The following PTCD1 variants were observed in gnomAD, a reference collection of about 807,000 sequenced individuals.
The protein encoded by PTCD1 is pentatricopeptide repeat domain 1, also known as pentatricopeptide repeat-containing protein 1, mitochondrial.
Under a neutral mutation model 53.4 loss-of-function variants are expected in PTCD1, and 50 were observed. That is an observed-to-expected ratio of 0.94 (90% CI 0.75 to 1.19). PTCD1 has a LOEUF of 1.19. Ranked by LOEUF, PTCD1 falls within the 50% of genes most tolerant of loss-of-function variation. PTCD1 has a pLI of 0.00. For missense variants in PTCD1, 918 were observed against 904.8 expected, an observed-to-expected ratio of 1.01 and a Z score of -0.19; for synonymous variants, 413 against 394.8, an observed-to-expected ratio of 1.05 and a Z score of -0.55.
At position 99,432,763 on chromosome 7, in the gene PTCD1, C is replaced by T. The variant is rs113944963; in HGVS notation, c.594+515G>A. ...GCCCACAGGTGTGGAGGGGCTGGCC[C>T]CCTTCAGAGGAGCAGATGCGGTGGC... On this transcript the variant is annotated intron_variant, in intron 3 of 7. Transcript: ENST00000292478. Among the ~76,000 whole-genome samples the T allele has an allele frequency of 6.1e-3, 932 of 152,322 alleles. 12 individuals carry two copies. The highest frequency in any genetic ancestry group is 0.02 in the African/African-American group (847 of 41,564).
At chr7:99,423,051 G>A (rs149164666) in intron 7 of PTCD1, among the ~76,000 whole-genome samples, 1 of 146,428 alleles carries the variant, frequency 6.8e-6, no homozygotes, top group African/African-American at 2.5e-5. Context: ...TCTTTCTTTC[G>A]CCTATTAAAC....
At chr7:99,421,685 G>A (rs1347397984) in intron 7 of PTCD1, among the ~76,000 whole-genome samples, 2 of 151,962 alleles carry the variant, frequency 1.3e-5, no homozygotes, top group African/African-American at 2.4e-5. Context: ...AACCTGGGCG[G>A]CAGAGGTTGC....
Position 99,435,101 on chromosome 7 carries a change from T to C in PTCD1, c.142A>G (p.Ser48Gly). ...CCGAGGGGCAGCTGAGAGGAGGAGC[T>C]GCTGAAGGGCGCCCACATTGGCCGC... ...LMRPMWAPFS[S>G]SSSQLPLGQE... Residue 48 changes from serine to glycine, a missense_variant, in exon 2 of 8, where the codon AGC becomes GGC. Ser to Gly is a moderately conservative substitution (Grantham distance 56, BLOSUM62 0). Transcript: ENST00000292478. 1 of 1,607,110 alleles carries C rather than the reference T, an allele frequency of 6.2e-7. No homozygotes were observed. Among genetic ancestry groups the C allele is most frequent in the Non-Finnish European group, 8.5e-7 (1 of 1,177,360 alleles).
At chr7:99,420,530 A>G (rs1273328841) in intron 7 of PTCD1, among the ~76,000 whole-genome samples, 4 of 152,192 alleles carry the variant, frequency 2.6e-5, no homozygotes, top group African/African-American at 7.2e-5. Flanking sequence ...CATTATCTCA[A>G]CACTGCCAAG....
rs14935 is a variant in PTCD1, at chr7:99,419,448, C to T, written c.*519G>A. ...TCGTGGCTGCTCTGGCTGAGGCTGG[C>T]GCGCTCCACCCTGGACTCTGGACTT... is the stretch of plus-strand genomic sequence containing the variant. On this transcript the variant is annotated 3_prime_UTR_variant, in exon 8 of 8. Transcript: ENST00000292478. 0.011 allele frequency: 18,111 copies of T among 1,607,972 alleles called. 966 individuals are homozygous for T. The African/African-American group carries it at 0.15, about 14-fold the overall frequency.
intron 1 of PTCD1, among the ~76,000 whole-genome samples, chr7:99,438,043 C>G (rs953053066): frequency 6.6e-6 from 1 of 152,144 alleles, no homozygotes; most frequent in African/African-American, 2.4e-5. Flanking sequence ...CTCCAGCAAT[C>G]AGGAAAGGAA....
intron 3 of PTCD1, chr7:99,432,814 C>T (rs1347047461): frequency 4.3e-6 from 1 of 233,464 alleles, no homozygotes; most frequent in Admixed American, 5.1e-5. Context: ...AATCCCAGCA[C>T]TTTGGGAGGC....
At chr7:99,423,586 G>A (rs771782984) in intron 7 of PTCD1, among the ~76,000 whole-genome samples, 189 bp downstream of exon 7, 1 of 152,180 alleles carries the variant, frequency 6.6e-6, no homozygotes, top group Non-Finnish European at 1.5e-5. Flanking sequence ...GCTGAGACAT[G>A]AGATGAGCCA....
chr7:99,417,600 TG>T lies in PTCD1; in HGVS notation c.*2366del. On this transcript the variant is annotated 3_prime_UTR_variant, in exon 8 of 8. Coordinates refer to ENST00000292478, the MANE Select transcript of PTCD1 (RefSeq NM_015545.4). ...CCCAAAAGCAAGCTGGAAGTGGTAA[TG>T]TCTGACACTCAAGCTTGGTGTTGTT... The T allele has an allele frequency of 6.2e-7, 1 of 1,610,772 alleles. No homozygotes were observed. The highest frequency in any genetic ancestry group is 8.5e-7 in the Non-Finnish European group (1 of 1,179,978).
chr7:99,419,281 T>G lies in PTCD1; in HGVS notation c.*686A>C. ...GTCAAGGAAGGGTTTCTGAGGTGTG[T>G]CCCTATATGGCATGGTGGCAGGTCC... On this transcript the variant is annotated 3_prime_UTR_variant, in exon 8 of 8. Coordinates refer to ENST00000292478, the MANE Select transcript of PTCD1 (RefSeq NM_015545.4). The G allele has an allele frequency of 7.5e-7, 1 of 1,339,310 alleles. No individual in the cohort carries two copies. Among genetic ancestry groups the G allele is most frequent in the Non-Finnish European group, 1.1e-6 (1 of 944,946 alleles). 83.0% of individuals were successfully genotyped at this position (1,339,310 alleles called of 1,614,324 possible). A position where few individuals can be genotyped will look rare whatever the true frequency, so the allele number is the denominator to read the frequency against.
intron 5 of PTCD1, among the ~76,000 whole-genome samples, chr7:99,426,424 G>A (rs180842507): frequency 1.3e-5 from 2 of 152,172 alleles, no homozygotes; most frequent in Admixed American, 6.5e-5. Context: ...GCTCCTAACC[G>A]CGAGTGATCC....
At chr7:99,431,668 G>A (rs1796255966) in intron 3 of PTCD1, among the ~76,000 whole-genome samples, 1 of 152,126 alleles carries the variant, frequency 6.6e-6, no homozygotes, top group African/African-American at 2.4e-5. Flanking sequence ...TCGAGCCCAG[G>A]AGGCGGAGGT....
In PTCD1 at chr7:99,419,172, A is replaced by G; in HGVS notation, c.*795T>C. On this transcript the variant is annotated 3_prime_UTR_variant, in exon 8 of 8. Coordinates refer to ENST00000292478, the MANE Select transcript of PTCD1 (RefSeq NM_015545.4). ...GTGTTGGATTTGCAGAACATATTAT[A>G]AATAGACATACAGATGTAACCTCGG... The G allele has an allele frequency of 3.4e-6, 2 of 583,152 alleles. No individual in the cohort carries two copies. Among genetic ancestry groups the G allele is most frequent in the Non-Finnish European group, 6.1e-6 (2 of 325,908 alleles). 36.1% of individuals were successfully genotyped at this position (583,152 alleles called of 1,614,324 possible).
chr7:99,429,333 C>G (rs978976618), intron 4 of PTCD1, 129 bp from the exon 5 acceptor site: 1 of 1,271,654 alleles, frequency 7.9e-7, no homozygotes. Flanking sequence ...GTTTTGTGAC[C>G]AGCCTGGGCA....
Position 99,419,803 on chromosome 7 carries a change from A to G in PTCD1, c.*164T>C. 18 of 1,206,980 alleles carry G rather than the reference A, an allele frequency of 1.5e-5. No individual in the cohort carries two copies. Among genetic ancestry groups the G allele is most frequent in the Middle Eastern group, 2.8e-4 (1 of 3,516 alleles). The allele number at this position is 1,206,980 out of a possible 1,614,324, so 74.8% of individuals were successfully genotyped here. A position where few individuals can be genotyped will look rare whatever the true frequency, so the allele number is the denominator to read the frequency against. Reference sequence around the variant, plus strand: ...CTGCACTTGGACCTGCTGGGAGCACAGGCACCTTGGGCCTAGTGTGTGTCC... The same window carrying G: ...CTGCACTTGGACCTGCTGGGAGCACGGGCACCTTGGGCCTAGTGTGTGTCC... On this transcript the variant is annotated 3_prime_UTR_variant, in exon 8 of 8. Transcript: ENST00000292478.
In PTCD1 at chr7:99,435,282, G is replaced by C. The variant is rs772270556; in HGVS notation, c.-26-14C>G. 1.9e-6 allele frequency: 3 copies of C among 1,599,506 alleles called. No individual in the cohort carries two copies. The highest frequency in any genetic ancestry group is 2.5e-6 in the Non-Finnish European group (3 of 1,179,850). Reference sequence around the variant, plus strand: ...TCCCTCCAGGGCCTGGAATATATCAGGAAAAATAAGAGAGTCAACTCAGTT... The same window carrying C: ...TCCCTCCAGGGCCTGGAATATATCACGAAAAATAAGAGAGTCAACTCAGTT... On this transcript the variant is annotated splice_polypyrimidine_tract_variant and intron_variant, in intron 1 of 7. Transcript: ENST00000292478.
chr7:99,427,592 G>A (rs572328947), intron 5 of PTCD1, among the ~76,000 whole-genome samples: 14 of 149,766 alleles, frequency 9.3e-5, no homozygotes, highest in Middle Eastern at 3.4e-3. Flanking sequence ...CCACCACCCC[G>A]TCTGGGAGGT....
Position 99,425,302 on chromosome 7 carries a change from G to T in PTCD1, c.1230C>A (p.Ala410=), listed in dbSNP as rs758864670. 1 of 1,614,002 alleles carries T rather than the reference G, an allele frequency of 6.2e-7. No individual in the cohort carries two copies. Among genetic ancestry groups the T allele is most frequent in the African/African-American group, 1.3e-5 (1 of 74,930 alleles). The stretch of plus-strand genomic sequence containing the variant: ...CTGCCTTAGTATCCACCTCTGGTTG[G>T]GCCTTGCCGGGCACTCTGGCTTCCG... ...EPPEARVPGK[A]QPEVDTKAEP... Residue 410 remains alanine, a synonymous_variant, in exon 6 of 8, where the codon GCC becomes GCA. Coordinates refer to ENST00000292478, the MANE Select transcript of PTCD1 (RefSeq NM_015545.4).
chr7:99,417,155 C>T lies in PTCD1; in HGVS notation c.*2812G>A. The T allele has an allele frequency of 2.7e-6, 1 of 365,134 alleles. No individual in the cohort carries two copies. The highest frequency in any genetic ancestry group is 5.2e-6 in the Non-Finnish European group (1 of 193,220). 22.6% of individuals were successfully genotyped at this position (365,134 alleles called of 1,614,324 possible). ...CACTACAACCTCCGCCTCCTGGGTT[C>T]AAGTGATTCTCCTGCCTCAGCCTCC... On this transcript the variant is annotated 3_prime_UTR_variant, in exon 8 of 8. Transcript: ENST00000292478.
Sources: allele counts gnomAD v4.1 joint callset (sites outside exome capture counted in the v4.1 genomes callset), GRCh38; gene constraint gnomAD v4.1.1; transcripts MANE v1.5; gene names NCBI Gene and HGNC (gene_info 2026-07-23, HGNC 2026-07-21).